ZNF99: variants seen among roughly 807,000 people sequenced by gnomAD.
ZNF99 encodes the protein zinc finger protein ENSP00000375192.
Under a neutral mutation model 12.8 loss-of-function variants are expected in ZNF99, and 8 were observed. That is an observed-to-expected ratio of 0.62 (90% CI 0.37 to 1.13). The LOEUF is 1.13. ZNF99 is among the 50% of genes most tolerant of loss of function. The pLI is 0.02. For synonymous variants in ZNF99, 318 were observed against 319.0 expected (o/e 1.00, Z 0.03); for missense variants, 1,007 against 1,006.2 (o/e 1.00, Z -0.01).
intron 3 of ZNF99, among the ~76,000 whole-genome samples, chr19:22,760,713 C>T (rs530096332): frequency 6.6e-6 from 1 of 152,060 alleles, no homozygotes; most frequent in Non-Finnish European, 1.5e-5. Flanking sequence ...CACTGCACTC[C>T]AGCCTGGGCG....
At chr19:22,770,224 A>G (rs1973251495) in intron 1 of ZNF99, among the ~76,000 whole-genome samples, 2 of 152,186 alleles carry the variant, frequency 1.3e-5, no homozygotes, top group South Asian at 4.1e-4. Flanking sequence ...TTTTCCAAAG[A>G]TAGATATATG....
intron 3 of ZNF99, among the ~76,000 whole-genome samples, chr19:22,766,953 ACTTT>A (rs1330003385): frequency 1.3e-5 from 2 of 151,992 alleles, no homozygotes; most frequent in African/African-American, 2.4e-5. Flanking sequence ...GCCTGGCGTA[ACTTT>A]CTTTAAGAAA....
Position 22,757,604 on chromosome 19 carries a change from C to T in ZNF99, c.2305G>A (p.Ala769Thr). 1.9e-6 allele frequency: 3 copies of T among 1,611,414 alleles called. No individual in the cohort carries two copies. Among genetic ancestry groups the T allele is most frequent in the Non-Finnish European group, 1.7e-6 (2 of 1,179,598 alleles). Reference sequence around the variant, plus strand: ...CTAAGGGCTGAGAAATGCTTAAAAGCTTTGCCACATTCTTCACATTTGCAG... The same window carrying T: ...CTAAGGGCTGAGAAATGCTTAAAAGTTTTGCCACATTCTTCACATTTGCAG... ...KPCKCEECGK[A>T]FKHFSALRKH... Residue 769 changes from alanine to threonine, a missense_variant, in exon 4 of 4, where the codon GCT becomes ACT. Physicochemically the swap from Ala to Thr is moderately conservative, Grantham distance 58. Coordinates refer to ENST00000596209, the MANE Select transcript of ZNF99 (RefSeq NM_001080409.3).
rs1973109367 is a variant in ZNF99, at chr19:22,758,663, T to TAC, written c.1245_1246insGT (p.Lys416ValfsTer3). ...GGTTTCTCTGCAGTATGAATTACCTTATGTACAGTAAGTTTTGAGGACCAC... is the reference window on the plus strand; with the variant it reads ...GGTTTCTCTGCAGTATGAATTACCTTACATGTACAGTAAGTTTTGAGGACCAC... On this transcript the variant is annotated frameshift_variant, in exon 4 of 4. Coordinates refer to ENST00000596209, the MANE Select transcript of ZNF99 (RefSeq NM_001080409.3). LOFTEE classifies it low-confidence loss of function (END_TRUNC). 6.2e-7 allele frequency: 1 copy of TAC among 1,612,362 alleles called. No homozygotes were observed. The highest frequency in any genetic ancestry group is 8.5e-7 in the Non-Finnish European group (1 of 1,179,296).
At position 22,757,087 on chromosome 19, in the gene ZNF99, G is replaced by A. The variant is rs56056839; in HGVS notation, c.*227C>T. 1.3e-3 allele frequency: 2,175 copies of A among 1,612,756 alleles called. 25 individuals are homozygous for A. The African/African-American group carries it at 0.026, about 19-fold the overall frequency. ...TTAGCTTATGTTTCTTAAGGGTTGA[G>A]GAATTGTTAAAAGCTTTTCCACATT... On this transcript the variant is annotated 3_prime_UTR_variant, in exon 4 of 4. Transcript: ENST00000596209.
chr19:22,767,643 G>A (rs1973219103), intron 3 of ZNF99, among the ~76,000 whole-genome samples: 1 of 151,986 alleles, frequency 6.6e-6, no homozygotes, highest in Non-Finnish European at 1.5e-5. Context: ...GGTGAAGCAA[G>A]AAGTACATAG....
chr19:22,780,715 A>G (rs2145161931), intron 1 of ZNF99, among the ~76,000 whole-genome samples: 1 of 151,776 alleles, frequency 6.6e-6, no homozygotes, highest in South Asian at 2.1e-4. Flanking sequence ...AAAATCATGT[A>G]GCAAACAATT....
chr19:22,757,698 T>G lies in ZNF99; in HGVS notation c.2211A>C (p.Glu737Asp). 1 of 1,612,070 alleles carries G rather than the reference T, an allele frequency of 6.2e-7. No individual in the cohort carries two copies. ...AGGACCACTTAAAAGCTTTACCACA[T>G]TCTTCACATTTGTAGGGTTTCTCTC... ...HTGEKPYKCE[E>D]CGKAFKWSSK... The change falls in exon 4 of 4, where the codon GAA (glutamate) becomes GAC (aspartate). Residue 737 changes from glutamate to aspartate, a missense_variant. Physicochemically the swap from Glu to Asp is conservative, Grantham distance 45. Coordinates refer to ENST00000596209, the MANE Select transcript of ZNF99 (RefSeq NM_001080409.3).
intron 1 of ZNF99, among the ~76,000 whole-genome samples, chr19:22,771,985 G>T (rs1380268545): frequency 2.6e-5 from 4 of 151,246 alleles, no homozygotes; most frequent in Non-Finnish European, 5.9e-5. Context: ...CAAAGTGCTG[G>T]GATCACAGGC....
Position 22,759,609 on chromosome 19 carries a change from C to T in ZNF99, c.300G>A (p.Leu100=). ...SIKDSFQEII[L]RTYARCGHKN... Reference sequence around the variant, plus strand: ...TATGTCCACATCTTGCATATGTTCTCAATATTATTTCTTGGAAAGAATCTT... The same window carrying T: ...TATGTCCACATCTTGCATATGTTCTTAATATTATTTCTTGGAAAGAATCTT... The change falls in exon 4 of 4, where the codon TTG becomes TTA. Residue 100 remains leucine (L), a synonymous_variant. Coordinates refer to ENST00000596209, the MANE Select transcript of ZNF99 (RefSeq NM_001080409.3). 1 of 1,601,810 alleles carries T rather than the reference C, an allele frequency of 6.2e-7. No individual in the cohort carries two copies. Among genetic ancestry groups the T allele is most frequent in the Non-Finnish European group, 8.5e-7 (1 of 1,176,824 alleles).
chr19:22,767,797 A>G (rs1973221186), intron 3 of ZNF99, among the ~76,000 whole-genome samples: 1 of 152,194 alleles, frequency 6.6e-6, no homozygotes, highest in South Asian at 2.1e-4. Flanking sequence ...TAAATAATTT[A>G]TAACAGAAAA....
In ZNF99 at chr19:22,784,121, C is replaced by G. The variant is rs1229224987; in HGVS notation, c.-105G>C. On this transcript the variant is annotated 5_prime_UTR_variant, in exon 1 of 4. Coordinates refer to ENST00000596209, the MANE Select transcript of ZNF99 (RefSeq NM_001080409.3). ...GACACAGAGCAGTAAAAACGAGATC[C>G]GGAGCTCCAGCTGGAACCAGAAACA... The G allele has an allele frequency of 7.5e-7, 1 of 1,335,706 alleles. No individual in the cohort carries two copies. The highest frequency in any genetic ancestry group is 2.0e-5 in the Admixed American group (1 of 51,142). 82.7% of individuals were successfully genotyped at this position (1,335,706 alleles called of 1,614,324 possible).
rs1973032913 is a variant in ZNF99, at chr19:22,755,164, GT to G, written c.*2149del. On this transcript the variant is annotated 3_prime_UTR_variant, in exon 4 of 4. Coordinates refer to ENST00000596209, the MANE Select transcript of ZNF99 (RefSeq NM_001080409.3). ...CATTGAATTATGTTGTTTAGCAAGAGTTGAGGACTGGCTAAAAGCATTGCCA... is the reference window on the plus strand; with the variant it reads ...CATTGAATTATGTTGTTTAGCAAGAGTGAGGACTGGCTAAAAGCATTGCCA... 1 of 259,698 alleles carries G rather than the reference GT, an allele frequency of 3.9e-6. No homozygotes were observed. Among genetic ancestry groups the G allele is most frequent in the African/African-American group, 2.3e-5 (1 of 43,420 alleles). 16.1% of individuals were successfully genotyped at this position (259,698 alleles called of 1,614,324 possible). A position where few individuals can be genotyped will look rare whatever the true frequency, so the allele number is the denominator to read the frequency against.
Position 22,752,711 on chromosome 19 carries a change from CAT to C in ZNF99, c.*4601_*4602del, listed in dbSNP as rs1411936406. On this transcript the variant is annotated 3_prime_UTR_variant, in exon 4 of 4. Coordinates refer to ENST00000596209, the MANE Select transcript of ZNF99 (RefSeq NM_001080409.3). ...TTCATTGAATGTACAACAGACTTAACATGTCAAAAAATGTTTAAAAAATTAAG... is the reference window on the plus strand; with the variant it reads ...TTCATTGAATGTACAACAGACTTAACGTCAAAAAATGTTTAAAAAATTAAG... 2.0e-5 allele frequency: 3 copies of C among 152,032 alleles called. No individual in the cohort carries two copies. The highest frequency in any genetic ancestry group is 4.4e-5 in the Non-Finnish European group (3 of 67,968). The allele number at this position is 152,032 out of a possible 1,614,324, so 9.4% of individuals were successfully genotyped here.
intron 3 of ZNF99, among the ~76,000 whole-genome samples, chr19:22,760,437 T>C (rs35001851): frequency 0.1 from 15,724 of 152,152 alleles, 1,854 homozygotes; most frequent in African/African-American, 0.29. Context: ...AAAGAAATGG[T>C]GGCATACTTT....
chr19:22,758,082 T>C lies in ZNF99; in HGVS notation c.1827A>G (p.Arg609=), dbSNP rs78302661. Residue 609 remains arginine, a synonymous_variant, in exon 4 of 4, where the codon AGA becomes AGG. Transcript: ENST00000596209. The stretch of plus-strand genomic sequence containing the variant: ...TTCCAGTATGAATTATCTGATGTTT[T>C]CTAAGGGCTGAGAAGTGGTTAAAAG... ...GKAFNHFSAL[R]KHQIIHTGKK... The C allele has an allele frequency of 6.9e-6, 11 of 1,602,842 alleles. No homozygotes were observed. In the African/African-American group the frequency reaches 1.2e-4, roughly 18 times the overall value.
chr19:22,757,616 C>G lies in ZNF99; in HGVS notation c.2293G>C (p.Glu765Gln). 1 of 1,611,560 alleles carries G rather than the reference C, an allele frequency of 6.2e-7. No homozygotes were observed. The highest frequency in any genetic ancestry group is 8.5e-7 in the Non-Finnish European group (1 of 1,179,666). ...HTAEKPCKCE[E>Q]CGKAFKHFSA... ...AAATGCTTAAAAGCTTTGCCACATT[C>G]TTCACATTTGCAGGGTTTCTCTGCA... Residue 765 changes from glutamate (E) to glutamine (Q), a missense_variant, in exon 4 of 4, where the codon GAA (glutamate) becomes CAA (glutamine). By Grantham distance (29) the Glu-to-Gln change is conservative. Coordinates refer to ENST00000596209, the MANE Select transcript of ZNF99 (RefSeq NM_001080409.3).
chr19:22,756,305 G>C lies in ZNF99; in HGVS notation c.*1009C>G, dbSNP rs761906143. On this transcript the variant is annotated 3_prime_UTR_variant, in exon 4 of 4. Transcript: ENST00000596209. ...TTCACATTTGTAGGTTTTCCCTCCA[G>C]TATGAATTGTTTTATGTTGAGTAAG... 6.4e-7 allele frequency: 1 copy of C among 1,572,600 alleles called. No homozygotes were observed. Among genetic ancestry groups the C allele is most frequent in the South Asian group, 1.1e-5 (1 of 88,584 alleles).
At position 22,754,366 on chromosome 19, in the gene ZNF99, C is replaced by CA. The variant is rs78560081; in HGVS notation, c.*2947dup. The CA allele has an allele frequency of 0.14, 42,853 of 307,614 alleles. 2 individuals are homozygous for CA. The highest frequency in any genetic ancestry group is 0.2 in the South Asian group (8,146 of 41,352). The allele number at this position is 307,614 out of a possible 1,614,324, so 19.1% of individuals were successfully genotyped here. A position where few individuals can be genotyped will look rare whatever the true frequency, so the allele number is the denominator to read the frequency against. On this transcript the variant is annotated 3_prime_UTR_variant, in exon 4 of 4. Transcript: ENST00000596209. The stretch of plus-strand genomic sequence containing the variant: ...TGGGCGACAGAGTGAGACTCCATTT[C>CA]AAAAAAAAAAAAAAAACTTTGCCAC...
Sources: allele counts gnomAD v4.1 joint callset (sites outside exome capture counted in the v4.1 genomes callset), GRCh38; gene constraint gnomAD v4.1.1; transcripts MANE v1.5; gene names NCBI Gene and HGNC (gene_info 2026-07-23, HGNC 2026-07-21).